Variants in RNF5 observed in about 807,000 individuals in gnomAD.
RNF5 encodes E3 ubiquitin-protein ligase RNF5.
Under a neutral mutation model 24.4 loss-of-function variants are expected in RNF5, and 16 were observed. That is an observed-to-expected ratio of 0.66 (90% CI 0.44 to 1.00). RNF5 has a LOEUF of 1.00. Ranked by LOEUF, RNF5 falls within the 50% of genes least tolerant of loss-of-function variation. The probability of loss-of-function intolerance (pLI) is 0.00; values close to 1 mark genes in which losing one functional copy is unlikely to be tolerated. For missense variants in RNF5, 185 were observed against 236.7 expected (o/e 0.78, Z 1.43); for synonymous variants, 64 against 88.5 (o/e 0.72, Z 1.55).
intron 1 of RNF5, 106 bp downstream of exon 1, chr6:32,178,757 C>A: frequency 8.5e-7 from 1 of 1,176,544 alleles, no homozygotes. Context: ...GGGCACGTTC[C>A]CATAGGTGAA....
At position 32,178,620 on chromosome 6, in the gene RNF5, G is replaced by A; in HGVS notation, c.109G>A (p.Ala37Thr). 1.2e-6 allele frequency: 2 copies of A among 1,611,870 alleles called. No homozygotes were observed. The highest frequency in any genetic ancestry group is 1.7e-6 in the Non-Finnish European group (2 of 1,179,976). Reference protein sequence around the residue: ...CNICLETAREAVVSVCGHLYC... With the variant: ...CNICLETARETVVSVCGHLYC... ...TATATGTTTGGAGACTGCTCGGGAA[G>A]CTGTGGTCAGTGTGTGTGGCCACCT... The change falls in exon 1 of 6, where the codon GCT becomes ACT. Residue 37 changes from alanine (A) to threonine (T), a missense_variant. Transcript: ENST00000375094.
intron 1 of RNF5, 80 bp downstream of exon 1, chr6:32,178,731 C>T: frequency 7.1e-7 from 1 of 1,417,628 alleles, no homozygotes; most frequent in South Asian, 1.2e-5. Flanking sequence ...ATCATACAGT[C>T]ATACAGATAA....
In RNF5 at chr6:32,178,594, A is replaced by G. The variant is rs778285711; in HGVS notation, c.83A>G (p.Asn28Ser). Residue 28 changes from asparagine (N) to serine (S), a missense_variant, in exon 1 of 6, where the codon AAT becomes AGT. Coordinates refer to ENST00000375094, the MANE Select transcript of RNF5 (RefSeq NM_006913.4). ...GGGGCGGGCGCGACCTTCGAATGTA[A>G]TATATGTTTGGAGACTGCTCGGGAA... ...RGGAGATFEC[N>S]ICLETAREAV... 4 of 1,611,352 alleles carry G rather than the reference A, an allele frequency of 2.5e-6. No individual in the cohort carries two copies. The South Asian group carries it at 4.4e-5, about 18-fold the overall frequency.
chr6:32,180,302 C>CT lies in RNF5; in HGVS notation c.526dup (p.Trp176LeufsTer27), dbSNP rs758165894. On this transcript the variant is annotated frameshift_variant, in exon 6 of 6. Coordinates refer to ENST00000375094, the MANE Select transcript of RNF5 (RefSeq NM_006913.4). LOFTEE classifies it high-confidence loss of function. ...TCTTCCTGTTTCTCGCCATCTTCTT[C>CT]TTTTTTTGGCTGCTCAGTATTTGAG... 1 of 1,609,322 alleles carries CT rather than the reference C, an allele frequency of 6.2e-7. No individual in the cohort carries two copies. Among genetic ancestry groups the CT allele is most frequent in the South Asian group, 1.1e-5 (1 of 91,072 alleles).
In RNF5 at chr6:32,180,486, T is replaced by G; in HGVS notation, c.*160T>G. On this transcript the variant is annotated 3_prime_UTR_variant, in exon 6 of 6. Coordinates refer to ENST00000375094, the MANE Select transcript of RNF5 (RefSeq NM_006913.4). ...GAAGGCCTGGGGAGGAGGAGTGAAG[T>G]CTGTGCATAGATGGGAGAGCCTTCT... is the stretch of plus-strand genomic sequence containing the variant. 1.5e-6 allele frequency: 1 copy of G among 647,784 alleles called. No homozygotes were observed. Among genetic ancestry groups the G allele is most frequent in the Non-Finnish European group, 2.7e-6 (1 of 367,056 alleles). 40.1% of individuals were successfully genotyped at this position (647,784 alleles called of 1,614,324 possible).
chr6:32,180,077 C>G lies in RNF5; in HGVS notation c.396C>G (p.Gly132=). 1.9e-6 allele frequency: 3 copies of G among 1,614,148 alleles called. No individual in the cohort carries two copies. Among genetic ancestry groups the G allele is most frequent in the Non-Finnish European group, 2.5e-6 (3 of 1,180,028 alleles). The change falls in exon 5 of 6, where the codon GGC becomes GGG. Residue 132 remains glycine (G), a synonymous_variant. Transcript: ENST00000375094. ...TTGGTGTTGGTGCTTTTCCCTTTGGCTTTTTCACCACCGTCTTCAATGCCC... is the reference window on the plus strand; with the variant it reads ...TTGGTGTTGGTGCTTTTCCCTTTGGGTTTTTCACCACCGTCTTCAATGCCC... The part of the protein sequence containing the change: ...FSFGVGAFPF[G]FFTTVFNAHE...
chr6:32,180,186 A>G, intron 5 of RNF5, 43 bp from the exon 6 acceptor site: 1 of 1,610,886 alleles, frequency 6.2e-7, no homozygotes, highest in Non-Finnish European at 8.5e-7. Flanking sequence ...GCCCCCTCCC[A>G]GCCTAGGAGC....
In RNF5 at chr6:32,179,811, T is replaced by C. The variant is rs761173205; in HGVS notation, c.272+48T>C. 3 of 1,613,472 alleles carry C rather than the reference T, an allele frequency of 1.9e-6. No individual in the cohort carries two copies. Among genetic ancestry groups the C allele is most frequent in the Non-Finnish European group, 1.7e-6 (2 of 1,179,458 alleles). On this transcript the variant is annotated intron_variant, in intron 3 of 5. Coordinates refer to ENST00000375094, the MANE Select transcript of RNF5 (RefSeq NM_006913.4). The surrounding 1 kb of genome is among the most constrained non-coding windows in gnomAD (Gnocchi z 5.4). ...TAGGGAAGATTGAAGGCTTCTGCCC[T>C]TGGAAAACGGTGTGGAAGATGGGAG...
In RNF5 at chr6:32,180,017, G is replaced by A; in HGVS notation, c.336G>A (p.Gln112=). 2 of 1,614,204 alleles carry A rather than the reference G, an allele frequency of 1.2e-6. No individual in the cohort carries two copies. Among genetic ancestry groups the A allele is most frequent in the Non-Finnish European group, 1.7e-6 (2 of 1,180,028 alleles). Residue 112 remains glutamine, a synonymous_variant, in exon 5 of 6, where the codon CAG becomes CAA. Coordinates refer to ENST00000375094, the MANE Select transcript of RNF5 (RefSeq NM_006913.4). ...RPAPESRGGF[Q]PFGDTGGFHF... ...TTTTTCTGCCTCCCTAGGGATTCCA[G>A]CCATTTGGTGATACCGGGGGCTTCC...
rs1209062113 is a variant in RNF5, at chr6:32,179,056, C to G, written c.140+405C>G. On this transcript the variant is annotated intron_variant, in intron 1 of 5. Transcript: ENST00000375094. The surrounding 1 kb of genome is among the most constrained non-coding windows in gnomAD (Gnocchi z 5.4). ...AATATGGATCACATTCAGATGAGAT[C>G]TGGGAGGGGGCTGGTATAAGGGCAC... Among the ~76,000 whole-genome samples the G allele has an allele frequency of 6.6e-6, 1 of 151,954 alleles. No homozygotes were observed. The highest frequency in any genetic ancestry group is 2.4e-5 in the African/African-American group (1 of 41,342).
chr6:32,178,985 A>C (rs1331785855), intron 1 of RNF5, among the ~76,000 whole-genome samples: 1 of 152,168 alleles, frequency 6.6e-6, no homozygotes, highest in Non-Finnish European at 1.5e-5. Context: ...AGTGAGACAC[A>C]AAGGTTAAGG....
At position 32,180,319 on chromosome 6, in the gene RNF5, G is replaced by A. The variant is rs1256580618; in HGVS notation, c.536G>A (p.Ser179Asn). 1.2e-6 allele frequency: 2 copies of A among 1,605,662 alleles called. No homozygotes were observed. The highest frequency in any genetic ancestry group is 1.1e-5 in the South Asian group (1 of 91,062). Residue 179 changes from serine (S) to asparagine (N), a missense_variant, in exon 6 of 6, where the codon AGT (serine) becomes AAT (asparagine). Ser to Asn is a conservative substitution (Grantham distance 46). Transcript: ENST00000375094. The stretch of plus-strand genomic sequence containing the variant: ...ATCTTCTTCTTTTTTTGGCTGCTCA[G>A]TATTTGAGCTATGTCTGCTTCCTGC... The part of the protein sequence containing the change: ...LAIFFFFWLL[S>N]I
rs1354256361 is a variant in RNF5, at chr6:32,179,442, T to C, written c.141-99T>C. 2.7e-6 allele frequency: 4 copies of C among 1,474,176 alleles called. No homozygotes were observed. Among genetic ancestry groups the C allele is most frequent in the Non-Finnish European group, 1.9e-6 (2 of 1,061,874 alleles). The allele number at this position is 1,474,176 out of a possible 1,614,324, so 91.3% of individuals were successfully genotyped here. ...AATCTGAAAAGCAACAGCAGGTTGC[T>C]TGGGAAGAGGGGTTAGATGGGATTC... On this transcript the variant is annotated intron_variant, in intron 1 of 5. Coordinates refer to ENST00000375094, the MANE Select transcript of RNF5 (RefSeq NM_006913.4). This position sits in a 1 kb window ranked among gnomAD's most constrained non-coding sequence, Gnocchi z 5.4.
rs1265432871 is a variant in RNF5 at position 32,178,533 on chromosome 6, G to C, written c.22G>C (p.Asp8His). 10 of 1,607,000 alleles carry C rather than the reference G, an allele frequency of 6.2e-6. No individual in the cohort carries two copies. The highest frequency in any genetic ancestry group is 8.5e-6 in the Non-Finnish European group (10 of 1,177,276). ...GGCCATGGCAGCAGCGGAGGAGGAGGACGGGGGCCCCGAAGGGCCAAATCG... is the reference window on the plus strand; with the variant it reads ...GGCCATGGCAGCAGCGGAGGAGGAGCACGGGGGCCCCGAAGGGCCAAATCG... MAAAEEE[D>H]GGPEGPNRER... is the part of the protein sequence containing the mutation. The change falls in exon 1 of 6, where the codon GAC becomes CAC. Residue 8 changes from aspartate (D) to histidine (H), a missense_variant. Coordinates refer to ENST00000375094, the MANE Select transcript of RNF5 (RefSeq NM_006913.4).
chr6:32,180,494 T>C lies in RNF5; in HGVS notation c.*168T>C, dbSNP rs1046688615. The C allele has an allele frequency of 2.7e-5, 17 of 625,072 alleles. No individual in the cohort carries two copies. Among genetic ancestry groups the C allele is most frequent in the Admixed American group, 8.3e-5 (3 of 36,136 alleles). The allele number at this position is 625,072 out of a possible 1,614,324, so 38.7% of individuals were successfully genotyped here. A position where few individuals can be genotyped will look rare whatever the true frequency, so the allele number is the denominator to read the frequency against. On this transcript the variant is annotated 3_prime_UTR_variant, in exon 6 of 6. Coordinates refer to ENST00000375094, the MANE Select transcript of RNF5 (RefSeq NM_006913.4). ...GGGGAGGAGGAGTGAAGTCTGTGCA[T>C]AGATGGGAGAGCCTTCTGCTCAGAG...
In RNF5 at chr6:32,180,139, C is replaced by T. The variant is rs1785971114; in HGVS notation, c.445+13C>T. On this transcript the variant is annotated intron_variant, in intron 5 of 5. Transcript: ENST00000375094. ...CGCCGGGGTACAGGTAAGAGTCACA[C>T]TCAGCTCCCATCAGGGAGCCCTGTG... 1 of 1,613,176 alleles carries T rather than the reference C, an allele frequency of 6.2e-7. No individual in the cohort carries two copies. The highest frequency in any genetic ancestry group is 8.5e-7 in the Non-Finnish European group (1 of 1,179,568).
chr6:32,178,505 A>G lies in RNF5; in HGVS notation c.-7A>G, dbSNP rs778211806. On this transcript the variant is annotated 5_prime_UTR_variant, in exon 1 of 6. Transcript: ENST00000375094. ...TGAAGGGTACGTGGGGCGAAACAAAACCGGCCATGGCAGCAGCGGAGGAGG... is the reference window on the plus strand; with the variant it reads ...TGAAGGGTACGTGGGGCGAAACAAAGCCGGCCATGGCAGCAGCGGAGGAGG... The G allele has an allele frequency of 1.2e-5, 19 of 1,591,824 alleles. No homozygotes were observed. The highest frequency in any genetic ancestry group is 7.7e-6 in the Non-Finnish European group (9 of 1,169,620).
rs776153880 is a variant in RNF5 at position 32,180,038 on chromosome 6, C to T, written c.357C>T (p.Gly119=). The T allele has an allele frequency of 6.2e-7, 1 of 1,614,222 alleles. No individual in the cohort carries two copies. The highest frequency in any genetic ancestry group is 1.1e-5 in the South Asian group (1 of 91,088). The change falls in exon 5 of 6, where the codon GGC becomes GGT. Residue 119 remains glycine, a synonymous_variant. Coordinates refer to ENST00000375094, the MANE Select transcript of RNF5 (RefSeq NM_006913.4). Reference sequence around the variant, plus strand: ...TCCAGCCATTTGGTGATACCGGGGGCTTCCACTTCTCATTTGGTGTTGGTG... The same window carrying T: ...TCCAGCCATTTGGTGATACCGGGGGTTTCCACTTCTCATTTGGTGTTGGTG... ...GGFQPFGDTG[G]FHFSFGVGAF...
Position 32,178,487 on chromosome 6 carries a change from T to A in RNF5, c.-25T>A, listed in dbSNP as rs1785784465. On this transcript the variant is annotated 5_prime_UTR_variant, in exon 1 of 6. Coordinates refer to ENST00000375094, the MANE Select transcript of RNF5 (RefSeq NM_006913.4). ...ATGTGTATTTGGGGGGACTGAAGGG[T>A]ACGTGGGGCGAAACAAAACCGGCCA... 6.4e-7 allele frequency: 1 copy of A among 1,567,610 alleles called. No individual in the cohort carries two copies. Among genetic ancestry groups the A allele is most frequent in the Non-Finnish European group, 8.6e-7 (1 of 1,157,526 alleles).
Sources: gnomAD v4.1 joint callset for allele counts (sites outside exome capture counted in the v4.1 genomes callset) on GRCh38, gnomAD v4.1.1 for gene constraint, Gnocchi (gnomAD v3.1) non-coding constraint, MANE v1.5 for transcripts, NCBI Gene and HGNC (gene_info 2026-07-23, HGNC 2026-07-21) for gene names.